Variants in NRXN1 observed in about 807,000 individuals in gnomAD.
The protein encoded by NRXN1 is neurexin 1.
NRXN1 carries 39 observed loss-of-function variants against 150.9 expected under a neutral mutation model. The ratio of observed to expected loss-of-function variants is 0.26; its 90% CI spans 0.20 to 0.34. The LOEUF is 0.34. Among genes scored for constraint, NRXN1 ranks in the 10% least tolerant of loss-of-function variants. NRXN1 has a pLI of 1.00. For missense variants in NRXN1, 1,815 were observed against 1,949.9 expected (o/e 0.93, Z 1.30); for synonymous variants, 924 against 757.0 (o/e 1.22, Z -3.62).
At chr2:50,115,176 C>T (rs546147683) in intron 18 of NRXN1, among the ~76,000 whole-genome samples, 2 of 142,792 alleles carry the variant, frequency 1.4e-5, no homozygotes, top group South Asian at 2.2e-4. Flanking sequence ...TAAAACTACT[C>T]TAAAGAATAA....
intron 21 of NRXN1, among the ~76,000 whole-genome samples, chr2:50,015,872 A>G (rs1043840993): frequency 2.0e-5 from 3 of 152,184 alleles, no homozygotes; most frequent in Non-Finnish European, 2.9e-5. Flanking sequence ...AAATGGGATA[A>G]AACTATCTTG....
intron 18 of NRXN1, among the ~76,000 whole-genome samples, chr2:50,179,769 G>GA (rs550624400): frequency 9.2e-5 from 14 of 151,856 alleles, no homozygotes; most frequent in African/African-American, 2.9e-4. Flanking sequence ...AGCTCTTAAA[G>GA]AAAAAAAATG....
chr2:50,641,136 C>CA (rs915432019), intron 5 of NRXN1, among the ~76,000 whole-genome samples: 1 of 152,000 alleles, frequency 6.6e-6, no homozygotes, highest in Non-Finnish European at 1.5e-5. Context: ...AGAAAAGGTA[C>CA]AAAAAATGGT....
chr2:50,276,772 T>G (rs1043012769), intron 17 of NRXN1, among the ~76,000 whole-genome samples: 28 of 152,176 alleles, frequency 1.8e-4, no homozygotes, highest in African/African-American at 6.8e-4. Flanking sequence ...TTCCTTGCAT[T>G]TCCAGTTCTT....
intron 18 of NRXN1, among the ~76,000 whole-genome samples, chr2:50,233,925 A>C (rs190528185): frequency 2.9e-3 from 447 of 152,148 alleles, no homozygotes; most frequent in Middle Eastern, 6.8e-3. Flanking sequence ...CTCAAATCTA[A>C]ATATTAAGAA....
intron 5 of NRXN1, among the ~76,000 whole-genome samples, chr2:50,647,913 T>C (rs1685059098): frequency 6.6e-6 from 1 of 151,896 alleles, no homozygotes; most frequent in Non-Finnish European, 1.5e-5. Flanking sequence ...ATACTATAAA[T>C]TGTACTGTAC....
chr2:50,968,485 T>C (rs574365952), intron 2 of NRXN1, among the ~76,000 whole-genome samples: 14 of 152,142 alleles, frequency 9.2e-5, no homozygotes, highest in African/African-American at 3.1e-4. Context: ...ATAATGTTCT[T>C]CTCCCATCAG....
In NRXN1 at chr2:51,026,586, T is replaced by G. The variant is rs868152576; in HGVS notation, c.772+916A>C. The stretch of plus-strand genomic sequence containing the variant: ...CCTCCACTACCCAGATAAATGTCAT[T>G]AGCCGAATATCCTTAGAAAATCTCT... On this transcript the variant is annotated intron_variant, in intron 2 of 22. Coordinates refer to ENST00000401669, the MANE Select transcript of NRXN1 (RefSeq NM_001330078.2). The G allele has an allele frequency of 8.9e-6, 6 of 677,156 alleles. No individual in the cohort carries two copies. The Middle Eastern group carries it at 1.6e-3, about 181-fold the overall frequency. The allele number at this position is 677,156 out of a possible 1,614,324, so 41.9% of individuals were successfully genotyped here.
intron 17 of NRXN1, among the ~76,000 whole-genome samples, chr2:50,329,754 A>C (rs2076711542): frequency 1.4e-5 from 2 of 143,386 alleles, no homozygotes; most frequent in African/African-American, 5.2e-5. Context: ...GCTCACTGCA[A>C]CCTCCACCTC....
intron 2 of NRXN1, among the ~76,000 whole-genome samples, chr2:50,940,971 T>C (rs973937774): frequency 6.6e-6 from 1 of 152,168 alleles, no homozygotes; most frequent in Non-Finnish European, 1.5e-5. Flanking sequence ...CATCTAGAAT[T>C]GTAATCCTAA....
intron 2 of NRXN1, among the ~76,000 whole-genome samples, chr2:51,011,364 A>C (rs1667834126): frequency 6.6e-6 from 1 of 152,046 alleles, no homozygotes; most frequent in Non-Finnish European, 1.5e-5. Context: ...GGGACTTAGA[A>C]TCAAGTGAAG....
chr2:50,131,999 G>C (rs1039198435), intron 18 of NRXN1, among the ~76,000 whole-genome samples: 6 of 152,160 alleles, frequency 3.9e-5, no homozygotes, highest in African/African-American at 1.4e-4. Flanking sequence ...TGTGAGCAGT[G>C]TTGATACACA....
intron 5 of NRXN1, among the ~76,000 whole-genome samples, chr2:50,667,925 A>G (rs932605970): frequency 9.2e-5 from 14 of 152,002 alleles, no homozygotes; most frequent in African/African-American, 3.1e-4. Flanking sequence ...TATGTATTTC[A>G]GAAAATTTTC....
At chr2:50,236,064 T>G (rs1165859762) in intron 18 of NRXN1, among the ~76,000 whole-genome samples, 1 of 152,022 alleles carries the variant, frequency 6.6e-6, no homozygotes, top group African/African-American at 2.4e-5. Flanking sequence ...GAGAAATAAG[T>G]GCCCCTGAAC....
intron 5 of NRXN1, among the ~76,000 whole-genome samples, chr2:50,861,386 T>G (rs940174653): frequency 1.3e-5 from 2 of 152,040 alleles, no homozygotes; most frequent in African/African-American, 4.8e-5. Context: ...CTGCCGTACT[T>G]TATTTAGTTT....
chr2:50,993,674 G>C (rs1370946378), intron 2 of NRXN1, among the ~76,000 whole-genome samples: 1 of 151,932 alleles, frequency 6.6e-6, no homozygotes, highest in Non-Finnish European at 1.5e-5. Flanking sequence ...TAAGTGGAAT[G>C]CTAATAAAAT....
At chr2:50,082,257 C>A (rs1698081228) in intron 19 of NRXN1, among the ~76,000 whole-genome samples, 1 of 152,156 alleles carries the variant, frequency 6.6e-6, no homozygotes, top group African/African-American at 2.4e-5. Context: ...CAATCTCAGC[C>A]AATATCTTTA....
chr2:49,961,608 T>C (rs1208306851), intron 21 of NRXN1, among the ~76,000 whole-genome samples: 2 of 152,114 alleles, frequency 1.3e-5, no homozygotes, highest in Non-Finnish European at 2.9e-5. Flanking sequence ...TAAACAAAAA[T>C]AGATTAGGCC....
chr2:50,038,380 T>A (rs1444187883), intron 21 of NRXN1, among the ~76,000 whole-genome samples: 1 of 152,160 alleles, frequency 6.6e-6, no homozygotes, highest in Non-Finnish European at 1.5e-5. Context: ...TCTCTCTCTC[T>A]CATCTGTCCT....
Sources: allele counts gnomAD v4.1 joint callset (sites outside exome capture counted in the v4.1 genomes callset), GRCh38; gene constraint gnomAD v4.1.1; transcripts MANE v1.5; gene names NCBI Gene and HGNC (gene_info 2026-07-23, HGNC 2026-07-21).